Variants in SH3RF2 observed in about 807,000 individuals in gnomAD.
SH3RF2 encodes SH3 domain containing ring finger 2, also known as E3 ubiquitin-protein ligase SH3RF2.
A neutral mutation model predicts 59.0 loss-of-function variants in SH3RF2; 43 were observed. The observed-to-expected ratio is 0.73, with a 90% CI of 0.57 to 0.94. The LOEUF is 0.94. Among genes scored for constraint, SH3RF2 ranks in the 40% least tolerant of loss-of-function variants. The pLI is 0.00. For synonymous variants in SH3RF2, 391 were observed against 391.5 expected (o/e 1.00, Z 0.01); for missense variants, 930 against 940.1 (o/e 0.99, Z 0.14).
intron 7 of SH3RF2, among the ~76,000 whole-genome samples, chr5:146,053,685 C>G (rs1762575540): frequency 6.6e-6 from 1 of 152,180 alleles, no homozygotes; most frequent in Non-Finnish European, 1.5e-5. Context: ...GTCCTCTACT[C>G]TTCTTCCTGT....
rs138448640 is a variant in SH3RF2, at chr5:146,007,120, G to A, written c.744+2967G>A. Among the ~76,000 whole-genome samples, 30 of 152,210 alleles carry A rather than the reference G, an allele frequency of 2.0e-4. No homozygotes were observed. In the East Asian group the frequency reaches 5.4e-3, roughly 27 times the overall value. ...GCCTCTGCCATATCATAAGAAGTGT[G>A]GATTCGACCCAAAAGCCAACAGAAG... On this transcript the variant is annotated intron_variant, in intron 4 of 9. Coordinates refer to ENST00000359120, the MANE Select transcript of SH3RF2 (RefSeq NM_152550.4).
chr5:146,013,439 A>C (rs1195553053), intron 4 of SH3RF2, among the ~76,000 whole-genome samples: 1 of 152,232 alleles, frequency 6.6e-6, no homozygotes, highest in Non-Finnish European at 1.5e-5. Flanking sequence ...TGACTGGGGA[A>C]AATGGGTAAA....
At chr5:146,067,750 C>T (rs1763139460), downstream of SH3RF2, among the ~76,000 whole-genome samples, 3 of 151,562 alleles carry the variant, frequency 2.0e-5, no homozygotes, top group South Asian at 6.3e-4. Context: ...GATAGGTGAA[C>T]AGTGGATGCT....
At chr5:146,028,787 C>G (rs1306322264) in intron 5 of SH3RF2, among the ~76,000 whole-genome samples, 2 of 152,208 alleles carry the variant, frequency 1.3e-5, no homozygotes, top group African/African-American at 4.8e-5. Context: ...ATAGCCCCAG[C>G]AGACCACTCT....
chr5:145,956,397 C>T (rs1234135133), intron 2 of SH3RF2, among the ~76,000 whole-genome samples: 1 of 152,072 alleles, frequency 6.6e-6, no homozygotes, highest in Non-Finnish European at 1.5e-5. Flanking sequence ...TGCCTCAGGC[C>T]TCCGAGTAGC....
chr5:146,028,948 A>G (rs1453987883), intron 5 of SH3RF2, among the ~76,000 whole-genome samples: 1 of 152,212 alleles, frequency 6.6e-6, no homozygotes, highest in Non-Finnish European at 1.5e-5. Context: ...CTGTGCGTTG[A>G]GTGGATTGTT....
intron 2 of SH3RF2, 77 bp downstream of exon 2, chr5:145,938,383 T>G: frequency 6.9e-7 from 1 of 1,451,770 alleles, no homozygotes; most frequent in East Asian, 2.3e-5. Flanking sequence ...AGAGATTATC[T>G]TCTTTTAGTT....
chr5:145,992,217 C>A (rs977205), intron 2 of SH3RF2, among the ~76,000 whole-genome samples: 86,299 of 151,496 alleles, frequency 0.57, 25,103 homozygotes, highest in South Asian at 0.79. Flanking sequence ...GCAAAAAATA[C>A]AAAAAAAATT....
intron 9 of SH3RF2, among the ~76,000 whole-genome samples, chr5:146,069,541 C>T (rs1463214348): frequency 6.6e-6 from 1 of 152,024 alleles, no homozygotes; most frequent in Non-Finnish European, 1.5e-5. Context: ...ATCATAAGAA[C>T]CTTGTGAGGT....
chr5:145,958,727 C>G (rs1411085237), intron 2 of SH3RF2, among the ~76,000 whole-genome samples: 2 of 152,178 alleles, frequency 1.3e-5, no homozygotes. Flanking sequence ...TTTCCTGACT[C>G]TCGGTCCATG....
intron 2 of SH3RF2, among the ~76,000 whole-genome samples, chr5:145,987,725 C>A (rs1013002990): frequency 4.8e-5 from 7 of 145,710 alleles, no homozygotes; most frequent in Non-Finnish European, 1.0e-4. Context: ...GCATGGTCGG[C>A]ACTCAAAAAA....
chr5:145,955,306 G>A (rs754006189), intron 2 of SH3RF2, among the ~76,000 whole-genome samples: 17 of 152,100 alleles, frequency 1.1e-4, no homozygotes, highest in African/African-American at 2.4e-4. Flanking sequence ...TCCAGGAACC[G>A]AAAACCAAAT....
intron 2 of SH3RF2, among the ~76,000 whole-genome samples, chr5:145,944,749 A>G (rs1349894518): frequency 1.3e-5 from 2 of 152,118 alleles, no homozygotes; most frequent in African/African-American, 4.8e-5. Context: ...TGGCACTGAC[A>G]CCCCTTTCTT....
Position 146,025,551 on chromosome 5 carries a change from T to A in SH3RF2, c.1059+11490T>A, listed in dbSNP as rs2150000336. Among the ~76,000 whole-genome samples, 3 of 152,360 alleles carry A rather than the reference T, an allele frequency of 2.0e-5. No homozygotes were observed. The South Asian group carries it at 6.2e-4, about 32-fold the overall frequency. ...GAATGATGACTTTGTTTTTCCAAACTTGCATTTCTATACCAGTTTTATTTT... is the reference window on the plus strand; with the variant it reads ...GAATGATGACTTTGTTTTTCCAAACATGCATTTCTATACCAGTTTTATTTT... On this transcript the variant is annotated intron_variant, in intron 5 of 9. Coordinates refer to ENST00000359120, the MANE Select transcript of SH3RF2 (RefSeq NM_152550.4).
chr5:146,042,324 C>T (rs972551183), intron 5 of SH3RF2, among the ~76,000 whole-genome samples: 5 of 152,142 alleles, frequency 3.3e-5, no homozygotes, highest in African/African-American at 1.2e-4. Context: ...CTGTCCCCAC[C>T]CTATGCAGTA....
At chr5:146,045,198 CT>C (rs1419320421) in intron 5 of SH3RF2, among the ~76,000 whole-genome samples, 3 of 152,226 alleles carry the variant, frequency 2.0e-5, no homozygotes, top group African/African-American at 7.2e-5. Context: ...AAGCCAGCTC[CT>C]TGTCATGTCT....
intron 2 of SH3RF2, among the ~76,000 whole-genome samples, chr5:145,971,472 A>G (rs1023894441): frequency 2.6e-5 from 4 of 152,142 alleles, no homozygotes; most frequent in African/African-American, 9.7e-5. Flanking sequence ...TATTATTTTC[A>G]CTTGGCAAAT....
chr5:145,951,380 C>T (rs1053063935), intron 2 of SH3RF2, among the ~76,000 whole-genome samples: 1 of 152,196 alleles, frequency 6.6e-6, no homozygotes, highest in Non-Finnish European at 1.5e-5. Context: ...ATTAACATGG[C>T]ATTAGTAAAT....
intron 2 of SH3RF2, among the ~76,000 whole-genome samples, chr5:145,960,081 G>C (rs958906581): frequency 6.6e-6 from 1 of 152,170 alleles, no homozygotes; most frequent in African/African-American, 2.4e-5. Context: ...TAGAGACAGG[G>C]TCTCATTCTG....
Sources: gnomAD v4.1 joint callset for allele counts (sites outside exome capture counted in the v4.1 genomes callset) on GRCh38, gnomAD v4.1.1 for gene constraint, MANE v1.5 for transcripts, NCBI Gene and HGNC (gene_info 2026-07-23, HGNC 2026-07-21) for gene names.